RHPN2: variants seen among roughly 807,000 people sequenced by gnomAD.
RHPN2 encodes rhophilin Rho GTPase binding protein 2.
A neutral mutation model predicts 79.0 loss-of-function variants in RHPN2; 40 were observed. The ratio of observed to expected loss-of-function variants is 0.51; its 90% confidence interval spans 0.39 to 0.66. The LOEUF (loss-of-function observed/expected upper bound fraction) is 0.66, where lower values mean the gene tolerates loss of function less well. Ranked by LOEUF, RHPN2 falls within the 30% of genes least tolerant of loss-of-function variation. The pLI, the probability that RHPN2 is intolerant of heterozygous loss-of-function variation, is 0.00. For synonymous variants in RHPN2, 285 were observed against 363.5 expected, an observed-to-expected ratio of 0.78 and a Z score of 2.46; for missense variants, 686 against 883.5, an observed-to-expected ratio of 0.78 and a Z score of 2.83.
At chr19:33,050,788 C>T (rs1374098087) in intron 1 of RHPN2, among the ~76,000 whole-genome samples, 1 of 152,166 alleles carries the variant, frequency 6.6e-6, no homozygotes, top group East Asian at 1.9e-4. Context: ...AAGCGATTCT[C>T]CTGCCTCAGC....
chr19:33,038,608 C>A (rs1456119513), intron 2 of RHPN2, among the ~76,000 whole-genome samples: 1 of 152,038 alleles, frequency 6.6e-6, no homozygotes, highest in Non-Finnish European at 1.5e-5. Flanking sequence ...CCTGCCTCAG[C>A]CTCCCAAGTA....
In RHPN2 at chr19:32,979,018, G is replaced by A. The variant is rs1475409635; in HGVS notation, c.*978C>T. ...CAAAAATCAGCCAGGCATGCTGGAGGGCACCTTGTAGTCCCAGCTATTTGG... is the reference window on the plus strand; with the variant it reads ...CAAAAATCAGCCAGGCATGCTGGAGAGCACCTTGTAGTCCCAGCTATTTGG... On this transcript the variant is annotated 3_prime_UTR_variant, in exon 15 of 15. Coordinates refer to ENST00000254260, the MANE Select transcript of RHPN2 (RefSeq NM_033103.5). The A allele has an allele frequency of 6.6e-6, 1 of 152,008 alleles. No individual in the cohort carries two copies. Among genetic ancestry groups the A allele is most frequent in the Non-Finnish European group, 1.5e-5 (1 of 67,996 alleles). 9.4% of individuals were successfully genotyped at this position (152,008 alleles called of 1,614,324 possible). A position where few individuals can be genotyped will look rare whatever the true frequency, so the allele number is the denominator to read the frequency against.
chr19:33,022,776 C>T (rs1323692256), intron 3 of RHPN2, among the ~76,000 whole-genome samples: 2 of 152,212 alleles, frequency 1.3e-5, no homozygotes, highest in Admixed American at 1.3e-4. Context: ...GCCAGGAAGG[C>T]TGGGCAGGGC....
At chr19:33,015,595 A>C (rs1971871369) in intron 4 of RHPN2, among the ~76,000 whole-genome samples, 1 of 152,206 alleles carries the variant, frequency 6.6e-6, no homozygotes, top group Non-Finnish European at 1.5e-5. Context: ...ATTTTTTGCA[A>C]CGTAACAGCA....
At chr19:33,043,641 A>G (rs1055890120) in intron 2 of RHPN2, among the ~76,000 whole-genome samples, 2 of 152,200 alleles carry the variant, frequency 1.3e-5, no homozygotes, top group African/African-American at 4.8e-5. Flanking sequence ...TTGTAAACAG[A>G]GTGCTGGCAC....
intron 2 of RHPN2, among the ~76,000 whole-genome samples, chr19:33,036,680 C>T (rs923428417): frequency 2.2e-4 from 33 of 152,292 alleles, no homozygotes; most frequent in Admixed American, 2.1e-3. Flanking sequence ...GCGGTGCTTG[C>T]GGGCTAGCGC....
intron 10 of RHPN2, 132 bp from the exon 11 acceptor site, chr19:32,996,352 C>A: frequency 3.5e-6 from 3 of 845,474 alleles, no homozygotes; most frequent in South Asian, 2.9e-5. Flanking sequence ...GCCTGTGATA[C>A]CCTACCTTGT....
At position 32,999,672 on chromosome 19, in the gene RHPN2, T is replaced by C. The variant is rs1203223458; in HGVS notation, c.1139A>G (p.Lys380Arg). The change falls in exon 10 of 15, where the codon AAG becomes AGG. Residue 380 changes from lysine to arginine, a missense_variant. By Grantham distance (26) the Lys-to-Arg change is conservative. Coordinates refer to ENST00000254260, the MANE Select transcript of RHPN2 (RefSeq NM_033103.5). ...GTGGTCGTAGAGCTGGGACAGGCACTTCTCCTGGTGGTCCAGATCCGTGCC... is the reference window on the plus strand; with the variant it reads ...GTGGTCGTAGAGCTGGGACAGGCACCTCTCCTGGTGGTCCAGATCCGTGCC... ...KPGTDLDHQEKCLSQLYDHMP... is the reference protein window; with the variant it reads ...KPGTDLDHQERCLSQLYDHMP... 1.2e-6 allele frequency: 2 copies of C among 1,612,916 alleles called. No homozygotes were observed. The highest frequency in any genetic ancestry group is 1.7e-6 in the Non-Finnish European group (2 of 1,179,354).
At chr19:33,055,427 C>A (rs957757855) in intron 1 of RHPN2, among the ~76,000 whole-genome samples, 2 of 151,838 alleles carry the variant, frequency 1.3e-5, no homozygotes, top group African/African-American at 4.8e-5. Context: ...CATCACCAAC[C>A]TTTACTCTCC....
chr19:32,987,627 C>T (rs1252059594), intron 14 of RHPN2, among the ~76,000 whole-genome samples: 3 of 152,226 alleles, frequency 2.0e-5, no homozygotes, highest in Non-Finnish European at 4.4e-5. Flanking sequence ...TCTCTTCCAA[C>T]TGATCTCTAA....
chr19:33,037,845 A>C (rs1203773440), intron 2 of RHPN2, among the ~76,000 whole-genome samples: 2 of 150,078 alleles, frequency 1.3e-5, no homozygotes, highest in East Asian at 3.9e-4. Flanking sequence ...AGAACCCACC[A>C]ATTCCGGACA....
At chr19:33,031,066 G>C (rs1292004129) in intron 2 of RHPN2, among the ~76,000 whole-genome samples, 1 of 152,104 alleles carries the variant, frequency 6.6e-6, no homozygotes, top group Non-Finnish European at 1.5e-5. Flanking sequence ...TTCAATTCAG[G>C]AACAGCCAAT....
At chr19:33,017,205 C>T (rs1179730963) in intron 4 of RHPN2, among the ~76,000 whole-genome samples, 1 of 151,804 alleles carries the variant, frequency 6.6e-6, no homozygotes, top group Non-Finnish European at 1.5e-5. Context: ...ATGGTGAAAC[C>T]ATGTCTCTAC....
At chr19:33,006,479 C>T (rs1269942990) in intron 7 of RHPN2, among the ~76,000 whole-genome samples, 1 of 152,204 alleles carries the variant, frequency 6.6e-6, no homozygotes, top group Non-Finnish European at 1.5e-5. Context: ...TGGTTCTTCA[C>T]AAGCTTGCAG....
chr19:32,983,322 C>T (rs1971591274), intron 14 of RHPN2, among the ~76,000 whole-genome samples: 3 of 152,024 alleles, frequency 2.0e-5, no homozygotes, highest in South Asian at 2.1e-4. Flanking sequence ...ACCATCGGGG[C>T]TAACATGGTG....
At chr19:33,006,123 A>C (rs1599814866) in intron 7 of RHPN2, among the ~76,000 whole-genome samples, 1 of 151,502 alleles carries the variant, frequency 6.6e-6, no homozygotes, top group East Asian at 1.9e-4. Flanking sequence ...CCAGCAATCC[A>C]CCCACCTCAG....
chr19:33,055,115 T>C (rs1972221385), intron 1 of RHPN2, among the ~76,000 whole-genome samples: 1 of 152,046 alleles, frequency 6.6e-6, no homozygotes, highest in South Asian at 2.1e-4. Context: ...AGCCCACCAC[T>C]GAGATGGGAG....
chr19:33,064,308 T>C (rs1048211273), intron 1 of RHPN2, among the ~76,000 whole-genome samples: 18 of 148,262 alleles, frequency 1.2e-4, no homozygotes, highest in African/African-American at 2.6e-4. Flanking sequence ...TACTCCAGCC[T>C]GGGCGACAGA....
At chr19:33,036,760 C>A (rs1194440926) in intron 2 of RHPN2, among the ~76,000 whole-genome samples, 3 of 152,176 alleles carry the variant, frequency 2.0e-5, no homozygotes, top group Non-Finnish European at 4.4e-5. Flanking sequence ...TGGCCCCGGG[C>A]AGTGAGGGGC....
Sources: allele counts gnomAD v4.1 joint callset (sites outside exome capture counted in the v4.1 genomes callset), GRCh38; gene constraint gnomAD v4.1.1; transcripts MANE v1.5; gene names NCBI Gene and HGNC (gene_info 2026-07-23, HGNC 2026-07-21).